Variants in LDLRAD4 observed in about 807,000 individuals in gnomAD.
The protein encoded by LDLRAD4 is low-density lipoprotein receptor class A domain-containing protein 4.
LDLRAD4 carries 5 observed loss-of-function variants against 17.0 expected under a neutral mutation model. That is an observed-to-expected ratio of 0.29 (90% CI 0.15 to 0.62). The LOEUF is 0.62. Ranked by LOEUF, LDLRAD4 falls within the 20% of genes least tolerant of loss-of-function variation. The pLI, the probability that LDLRAD4 is intolerant of heterozygous loss-of-function variation, is 0.84. For synonymous variants in LDLRAD4, 168 were observed against 171.8 expected, an observed-to-expected ratio of 0.98 and a Z score of 0.17; for missense variants, 340 against 424.7, an observed-to-expected ratio of 0.80 and a Z score of 1.75.
intron 3 of LDLRAD4, among the ~76,000 whole-genome samples, chr18:13,454,114 C>A (rs2091993241): frequency 6.6e-6 from 1 of 152,118 alleles, no homozygotes; most frequent in Admixed American, 6.5e-5. Context: ...GGTGTGCTGT[C>A]TTTCTGGCTC....
chr18:13,363,660 CAAT>C (rs1201514234), intron 1 of LDLRAD4, among the ~76,000 whole-genome samples: 1 of 152,152 alleles, frequency 6.6e-6, no homozygotes, highest in African/African-American at 2.4e-5. Context: ...TGACAGCTGA[CAAT>C]GATGATGCTA....
intron 1 of LDLRAD4, among the ~76,000 whole-genome samples, chr18:13,290,757 C>T (rs772918830): frequency 6.6e-6 from 1 of 152,262 alleles, no homozygotes; most frequent in Non-Finnish European, 1.5e-5. Flanking sequence ...TTAGATTATA[C>T]CAGAAGAACA....
At chr18:13,579,830 G>A (rs1006256971) in intron 3 of LDLRAD4, among the ~76,000 whole-genome samples, 3 of 152,140 alleles carry the variant, frequency 2.0e-5, no homozygotes, top group Non-Finnish European at 2.9e-5. Flanking sequence ...CTGAGTAGCC[G>A]ACTTCTATCT....
At chr18:13,323,112 A>G (rs2081343980) in intron 1 of LDLRAD4, among the ~76,000 whole-genome samples, 2 of 152,252 alleles carry the variant, frequency 1.3e-5, no homozygotes, top group South Asian at 4.1e-4. Context: ...GAGGAGTAGT[A>G]GAAAGAAAAC....
chr18:13,226,457 A>G (rs983572522), intron 1 of LDLRAD4, among the ~76,000 whole-genome samples: 4 of 151,822 alleles, frequency 2.6e-5, no homozygotes, highest in Non-Finnish European at 5.9e-5. Context: ...CCCACAGAGA[A>G]GAGGGTGACT....
At chr18:13,450,698 AGTT>A (rs2091778204) in intron 3 of LDLRAD4, among the ~76,000 whole-genome samples, 1 of 152,176 alleles carries the variant, frequency 6.6e-6, no homozygotes, top group African/African-American at 2.4e-5. Flanking sequence ...AGGCCCACAA[AGTT>A]GTGGCACGTA....
At chr18:13,322,197 T>A (rs2081284704) in intron 1 of LDLRAD4, among the ~76,000 whole-genome samples, 2 of 151,910 alleles carry the variant, frequency 1.3e-5, no homozygotes. Context: ...CTTCTTAATT[T>A]TTTTATGTAA....
At chr18:13,625,681 C>CCGG (rs2041073640) in intron 4 of LDLRAD4, among the ~76,000 whole-genome samples, 1 of 151,056 alleles carries the variant, frequency 6.6e-6, no homozygotes. Flanking sequence ...GGAGCCGCAG[C>CCGG]CGGCGCCCTC....
At chr18:13,625,668 T>TGAG (rs2041070712) in intron 4 of LDLRAD4, among the ~76,000 whole-genome samples, 1 of 151,636 alleles carries the variant, frequency 6.6e-6, no homozygotes, top group Non-Finnish European at 1.5e-5. Flanking sequence ...CAGGTGCAGG[T>TGAG]GAGGAGCCGC....
exon 6 of LDLRAD4, chr18:13,650,838 A>C (rs2043214851): frequency 3.3e-5 from 5 of 153,034 alleles, no homozygotes. Flanking sequence ...AAGTCTATGT[A>C]GTTTATTTTC....
chr18:13,634,980 G>A (rs1333511388), intron 4 of LDLRAD4, among the ~76,000 whole-genome samples: 1 of 152,210 alleles, frequency 6.6e-6, no homozygotes, highest in Non-Finnish European at 1.5e-5. Context: ...ATTCAATGGG[G>A]AAAGGACAGC....
chr18:13,643,668 G>C (rs1187468747), intron 5 of LDLRAD4, among the ~76,000 whole-genome samples: 1 of 152,182 alleles, frequency 6.6e-6, no homozygotes, highest in East Asian at 1.9e-4. Flanking sequence ...ACATGATCCC[G>C]TAAGCTTCTA....
chr18:13,563,880 T>A (rs2094566061), intron 3 of LDLRAD4, among the ~76,000 whole-genome samples: 1 of 152,230 alleles, frequency 6.6e-6, no homozygotes, highest in Admixed American at 6.5e-5. Context: ...CATTTTCTTT[T>A]TAAAAAATTA....
chr18:13,633,510 C>A (rs1211162575), intron 4 of LDLRAD4, among the ~76,000 whole-genome samples: 1 of 152,210 alleles, frequency 6.6e-6, no homozygotes, highest in Non-Finnish European at 1.5e-5. Context: ...CTCAGCCCAC[C>A]CCTGCCTCAG....
intron 1 of LDLRAD4, among the ~76,000 whole-genome samples, chr18:13,370,572 G>A (rs991857972): frequency 1.3e-5 from 2 of 152,156 alleles, no homozygotes; most frequent in Non-Finnish European, 2.9e-5. Context: ...TAAGGAGATG[G>A]CACCCTTTCC....
At chr18:13,456,003 C>A (rs949199798) in intron 3 of LDLRAD4, among the ~76,000 whole-genome samples, 4 of 152,132 alleles carry the variant, frequency 2.6e-5, no homozygotes, top group African/African-American at 9.7e-5. Flanking sequence ...CCATGTCCCG[C>A]GCTGTCTGCA....
At chr18:13,562,725 TA>T (rs2094554756) in intron 3 of LDLRAD4, among the ~76,000 whole-genome samples, 1 of 152,184 alleles carries the variant, frequency 6.6e-6, no homozygotes, top group Admixed American at 6.5e-5. Flanking sequence ...ATGTGAGATT[TA>T]AAAAAATATC....
Position 13,356,311 on chromosome 18 carries a change from C to G in LDLRAD4, c.-382-31030C>G, listed in dbSNP as rs576451602. On this transcript the variant is annotated intron_variant, in intron 1 of 5. Coordinates refer to ENST00000359446, the Ensembl canonical transcript of LDLRAD4. Reference sequence around the variant, plus strand: ...CTGTGAGCCTTTGGCAGCAGGCGCCCGCAGCTCTTGGGACAGGTGCACTGC... The same window carrying G: ...CTGTGAGCCTTTGGCAGCAGGCGCCGGCAGCTCTTGGGACAGGTGCACTGC... 7.2e-5 allele frequency among the ~76,000 whole-genome samples: 11 copies of G among 152,322 alleles called. No individual in the cohort carries two copies. In the East Asian group the frequency reaches 2.1e-3, roughly 29 times the overall value.
intron 1 of LDLRAD4, among the ~76,000 whole-genome samples, chr18:13,381,676 A>G (rs952668191): frequency 1.3e-5 from 2 of 152,158 alleles, no homozygotes; most frequent in African/African-American, 4.8e-5. Context: ...GCTCTGAGGC[A>G]CTCACATGGA....
Sources: allele counts gnomAD v4.1 joint callset (sites outside exome capture counted in the v4.1 genomes callset), GRCh38; gene constraint gnomAD v4.1.1; transcripts MANE v1.5; gene names NCBI Gene and HGNC (gene_info 2026-07-23, HGNC 2026-07-21).